The following FAM149B1 variants were observed in gnomAD, a reference collection of about 807,000 sequenced individuals.
FAM149B1 encodes family with sequence similarity 149 member B1, also known as primary cilium assembly protein FAM149B1.
In FAM149B1, 56 loss-of-function variants were observed where a neutral mutation model predicts 75.3. That is an observed-to-expected ratio of 0.74 (90% CI 0.60 to 0.93). FAM149B1 has a LOEUF of 0.93. FAM149B1 is among the 40% of genes least tolerant of loss of function. FAM149B1 has a pLI of 0.00. For missense variants in FAM149B1, 639 were observed against 708.4 expected (o/e 0.90, Z 1.11); for synonymous variants, 259 against 256.1 (o/e 1.01, Z -0.11).
chr10:73,237,882 C>T (rs921662215), intron 12 of FAM149B1, among the ~76,000 whole-genome samples: 2 of 152,084 alleles, frequency 1.3e-5, no homozygotes, highest in African/African-American at 4.8e-5. Flanking sequence ...CACCTCTGCA[C>T]CTGGCTAAAA....
Position 73,243,744 on chromosome 10 carries a change from T to C in FAM149B1, c.*2725T>C. On this transcript the variant is annotated 3_prime_UTR_variant, in exon 14 of 14. Transcript: ENST00000242505. ...AAAGGACAAATAGAAGGTATGCGGT[T>C]ATGTCTTAAAAGAAGAAAACAAAAT... 1 of 1,217,286 alleles carries C rather than the reference T, an allele frequency of 8.2e-7. No individual in the cohort carries two copies. The highest frequency in any genetic ancestry group is 1.2e-6 in the Non-Finnish European group (1 of 851,650). The allele number at this position is 1,217,286 out of a possible 1,614,324, so 75.4% of individuals were successfully genotyped here. A position where few individuals can be genotyped will look rare whatever the true frequency, so the allele number is the denominator to read the frequency against.
intron 1 of FAM149B1, among the ~76,000 whole-genome samples, 200 bp from the exon 2 acceptor site, chr10:73,174,487 A>T (rs575789538): frequency 5.2e-4 from 79 of 152,358 alleles, no homozygotes; most frequent in Non-Finnish European, 9.8e-4. Flanking sequence ...TAAATGAAGT[A>T]TTGCAAATTC....
At chr10:73,182,821 A>T (rs964639612) in intron 3 of FAM149B1, among the ~76,000 whole-genome samples, 1 of 152,208 alleles carries the variant, frequency 6.6e-6, no homozygotes, top group East Asian at 1.9e-4. Context: ...CCTGACCCAC[A>T]TAAACCCGGA....
chr10:73,221,060 A>G (rs909504673), intron 7 of FAM149B1, among the ~76,000 whole-genome samples: 1 of 152,220 alleles, frequency 6.6e-6, no homozygotes. Flanking sequence ...CATTCATATG[A>G]AATGTCCAGA....
rs568428003 is a variant in FAM149B1, at chr10:73,229,364, CA to C, written c.1024-1057del. On this transcript the variant is annotated intron_variant, in intron 8 of 13. Transcript: ENST00000242505. ...CCAAGGTGGGTGGGTCATTTGAGGCCAGGAGTTCAAGACCAGCCTGGCCAAT... is the reference window on the plus strand; with the variant it reads ...CCAAGGTGGGTGGGTCATTTGAGGCCGGAGTTCAAGACCAGCCTGGCCAAT... 3.1e-4 allele frequency among the ~76,000 whole-genome samples: 47 copies of C among 152,260 alleles called. No homozygotes were observed. In the East Asian group the frequency reaches 7.3e-3, roughly 24 times the overall value.
chr10:73,188,056 C>T (rs928254009), intron 3 of FAM149B1, among the ~76,000 whole-genome samples: 1 of 152,134 alleles, frequency 6.6e-6, no homozygotes, highest in Non-Finnish European at 1.5e-5. Flanking sequence ...GCACTCCAGC[C>T]TGAGTGACAG....
chr10:73,215,157 A>G (rs1483503962), intron 7 of FAM149B1, among the ~76,000 whole-genome samples: 2 of 152,034 alleles, frequency 1.3e-5, no homozygotes, highest in Non-Finnish European at 2.9e-5. Flanking sequence ...AGTAGCTGGG[A>G]TTATGGGTGC....
intron 8 of FAM149B1, among the ~76,000 whole-genome samples, chr10:73,229,017 T>C (rs2043622199): frequency 6.6e-6 from 1 of 152,190 alleles, no homozygotes; most frequent in Admixed American, 6.5e-5. Flanking sequence ...CAGGCTGTTT[T>C]TGTTTTTTAA....
chr10:73,196,319 C>T (rs2042804292), intron 5 of FAM149B1, among the ~76,000 whole-genome samples: 1 of 151,796 alleles, frequency 6.6e-6, no homozygotes, highest in South Asian at 2.1e-4. Context: ...ATTTTGCCCC[C>T]CACCCTTTTT....
intron 5 of FAM149B1, among the ~76,000 whole-genome samples, chr10:73,197,624 G>A (rs1327554227): frequency 1.3e-5 from 2 of 152,080 alleles, no homozygotes; most frequent in Non-Finnish European, 2.9e-5. Flanking sequence ...ATAAAAATTA[G>A]CCAGGTGTGG....
chr10:73,234,755 T>C (rs2241968), intron 10 of FAM149B1, 62 bp from the exon 11 acceptor site: 124,959 of 1,516,856 alleles, frequency 0.082, 7,706 homozygotes, highest in East Asian at 0.29. Context: ...TTCTAATCAA[T>C]TTGCTGGTAT....
chr10:73,168,308 T>TGAGGAGGAGGAGGAG lies in FAM149B1; in HGVS notation c.-14_1dup, dbSNP rs762316170. 9.1e-6 allele frequency: 14 copies of TGAGGAGGAGGAGGAG among 1,532,820 alleles called. No homozygotes were observed. The highest frequency in any genetic ancestry group is 1.2e-5 in the South Asian group (1 of 83,138). 95.0% of individuals were successfully genotyped at this position (1,532,820 alleles called of 1,614,324 possible). ...CTGGCGTGCCTGCCCCGGCCGCGGCTGAGGAGGAGGAGGAGGAGGAGGAGG... is the reference window on the plus strand; with the variant it reads ...CTGGCGTGCCTGCCCCGGCCGCGGCTGAGGAGGAGGAGGAGGAGGAGGAGGAGGAGGAGGAGGAGG... On this transcript the variant is annotated 5_prime_UTR_variant, in exon 1 of 14. Coordinates refer to ENST00000242505, the MANE Select transcript of FAM149B1 (RefSeq NM_173348.2).
In FAM149B1 at chr10:73,241,109, A is replaced by T; in HGVS notation, c.*90A>T. 3.8e-6 allele frequency: 3 copies of T among 784,958 alleles called. No individual in the cohort carries two copies. The highest frequency in any genetic ancestry group is 4.4e-6 in the Non-Finnish European group (2 of 458,126). 48.6% of individuals were successfully genotyped at this position (784,958 alleles called of 1,614,324 possible). A position where few individuals can be genotyped will look rare whatever the true frequency, so the allele number is the denominator to read the frequency against. Reference sequence around the variant, plus strand: ...TCAAGTGATGCAGAGCTTGTATAGAAGATCGACTAGAAATCATCTTCATGA... The same window carrying T: ...TCAAGTGATGCAGAGCTTGTATAGATGATCGACTAGAAATCATCTTCATGA... On this transcript the variant is annotated 3_prime_UTR_variant, in exon 14 of 14. Coordinates refer to ENST00000242505, the MANE Select transcript of FAM149B1 (RefSeq NM_173348.2).
In FAM149B1 at chr10:73,228,127, T is replaced by A; in HGVS notation, c.966T>A (p.His322Gln). ...GTTCCTGTGTGCTGAGTGAACTACATCCTTTGGTGTTACCGCGAGTGCCAC... is the reference window on the plus strand; with the variant it reads ...GTTCCTGTGTGCTGAGTGAACTACAACCTTTGGTGTTACCGCGAGTGCCAC... ...SESSCVLSELHPLVLPRVPQS... is the reference protein window; with the variant it reads ...SESSCVLSELQPLVLPRVPQS... Residue 322 changes from histidine (H) to glutamine (Q), a missense_variant, in exon 8 of 14, where the codon CAT (histidine) becomes CAA (glutamine). Coordinates refer to ENST00000242505, the MANE Select transcript of FAM149B1 (RefSeq NM_173348.2). The A allele has an allele frequency of 6.4e-7, 1 of 1,551,440 alleles. No individual in the cohort carries two copies. The highest frequency in any genetic ancestry group is 8.7e-7 in the Non-Finnish European group (1 of 1,146,730).
chr10:73,227,455 A>T (rs139997533), intron 7 of FAM149B1, among the ~76,000 whole-genome samples: 21 of 152,188 alleles, frequency 1.4e-4, no homozygotes, highest in African/African-American at 5.1e-4. Flanking sequence ...TACATTCTAC[A>T]TCTGTCAATT....
chr10:73,230,175 TTTTCATCCA>T (rs1174728831), intron 8 of FAM149B1: 1 of 366,480 alleles, frequency 2.7e-6, no homozygotes, highest in Non-Finnish European at 5.1e-6. Flanking sequence ...CTGTTAATTG[TTTTCATCCA>T]GATTGATCAG....
At chr10:73,168,918 C>T (rs7895584) in intron 1 of FAM149B1, 2 of 152,736 alleles carry the variant, frequency 1.3e-5, no homozygotes, top group Admixed American at 1.3e-4. Context: ...TCATAACCAT[C>T]ACACATACTG....
At chr10:73,191,319 G>A (rs2042677744) in intron 3 of FAM149B1, among the ~76,000 whole-genome samples, 2 of 147,736 alleles carry the variant, frequency 1.4e-5, no homozygotes, top group African/African-American at 5.0e-5. Context: ...TTACAGGCAT[G>A]AGTCACCCGC....
Position 73,210,416 on chromosome 10 carries a change from T to C in FAM149B1, c.876T>C (p.Ser292=), listed in dbSNP as rs1311293167. The C allele has an allele frequency of 6.5e-7, 1 of 1,542,160 alleles. No individual in the cohort carries two copies. Among genetic ancestry groups the C allele is most frequent in the East Asian group, 2.5e-5 (1 of 40,798 alleles). Residue 292 remains serine (S), a synonymous_variant, in exon 7 of 14, where the codon AGT becomes AGC. Coordinates refer to ENST00000242505, the MANE Select transcript of FAM149B1 (RefSeq NM_173348.2). ...GCTGTATGGAGCAGTTGACACGTAG[T>C]CACTGGGAAGGATTTGCCTCTGGTA... ...VVSCMEQLTR[S]HWEGFASDDE...
Sources: gnomAD v4.1 joint callset for allele counts (sites outside exome capture counted in the v4.1 genomes callset) on GRCh38, gnomAD v4.1.1 for gene constraint, MANE v1.5 for transcripts, NCBI Gene and HGNC (gene_info 2026-07-23, HGNC 2026-07-21) for gene names.